Variants in PPWD1 observed in about 807,000 individuals in gnomAD.
PPWD1 encodes the protein peptidylprolyl isomerase domain and WD repeat containing 1.
In PPWD1, 43 loss-of-function variants were observed where a neutral mutation model predicts 68.8. The observed-to-expected ratio is 0.62, with a 90% CI of 0.49 to 0.81. The LOEUF (loss-of-function observed/expected upper bound fraction) is 0.81. PPWD1 is among the 30% of genes least tolerant of loss of function. The pLI is 0.00. For synonymous variants in PPWD1, 232 were observed against 258.7 expected (o/e 0.90, Z 0.99); for missense variants, 672 against 804.8 (o/e 0.83, Z 2.00).
rs1460797438 is a variant in PPWD1, at chr5:65,583,165, G to C, written c.1478G>C (p.Ser493Thr). 1 of 1,612,632 alleles carries C rather than the reference G, an allele frequency of 6.2e-7. No homozygotes were observed. Among genetic ancestry groups the C allele is most frequent in the African/African-American group, 1.3e-5 (1 of 74,864 alleles). ...GAAGGACCTAAACGAGTTTCGGACA[G>C]TGCCATTATCCACACCAGCATGGGA... The part of the protein sequence containing the change: ...QAEGPKRVSD[S>T]AIIHTSMGDI... Residue 493 changes from serine (S) to threonine (T), a missense_variant, in exon 8 of 11, where the codon AGT becomes ACT. Around this residue, in one of 2 missense-constraint regions of PPWD1, gnomAD observed 484 missense variants for 646.2 expected, o/e 0.75. Transcript: ENST00000261308.
At position 65,585,944 on chromosome 5, in the gene PPWD1, A is replaced by G. The variant is rs547057562; in HGVS notation, c.1615-55A>G. 21 of 1,569,698 alleles carry G rather than the reference A, an allele frequency of 1.3e-5. No homozygotes were observed. In the South Asian group the frequency reaches 1.9e-4, roughly 14 times the overall value. ...CACTCTTGGCAGAAATAAAACTTCAAAGCGTACATATATCGAAAAGGACAA... is the reference window on the plus strand; with the variant it reads ...CACTCTTGGCAGAAATAAAACTTCAGAGCGTACATATATCGAAAAGGACAA... On this transcript the variant is annotated intron_variant, in intron 9 of 10. Coordinates refer to ENST00000261308, the MANE Select transcript of PPWD1 (RefSeq NM_015342.4).
At chr5:65,585,866 G>A (rs889783373) in intron 9 of PPWD1, 133 bp from the exon 10 acceptor site, 29 of 1,365,708 alleles carry the variant, frequency 2.1e-5, no homozygotes, top group Non-Finnish European at 2.5e-5. Flanking sequence ...TAAGTGTTAA[G>A]GGTTTAATCA....
chr5:65,572,997 A>G (rs780509601), intron 5 of PPWD1, among the ~76,000 whole-genome samples: 3 of 152,124 alleles, frequency 2.0e-5, no homozygotes, highest in Non-Finnish European at 4.4e-5. Context: ...AGAACTTTTC[A>G]GTTAATTCCT....
In PPWD1 at chr5:65,583,160, G is replaced by C. The variant is rs1034827555; in HGVS notation, c.1473G>C (p.Ser491=). The stretch of plus-strand genomic sequence containing the variant: ...AAGCTGAAGGACCTAAACGAGTTTC[G>C]GACAGTGCCATTATCCACACCAGCA... The part of the protein sequence containing the change: ...ATQAEGPKRV[S]DSAIIHTSMG... Residue 491 remains serine (S), a synonymous_variant, in exon 8 of 11, where the codon TCG becomes TCC. Transcript: ENST00000261308. 6.2e-7 allele frequency: 1 copy of C among 1,613,062 alleles called. No individual in the cohort carries two copies. The highest frequency in any genetic ancestry group is 8.5e-7 in the Non-Finnish European group (1 of 1,179,618).
chr5:65,571,240 AC>A (rs1015759411), intron 4 of PPWD1, among the ~76,000 whole-genome samples: 1 of 152,198 alleles, frequency 6.6e-6, no homozygotes, highest in African/African-American at 2.4e-5. Context: ...TTTGAAGGAA[AC>A]AACATTCATT....
In PPWD1 at chr5:65,587,363, G is replaced by T. The variant is rs572158003; in HGVS notation, c.1908G>T (p.Glu636Asp). Residue 636 changes from glutamate (E) to aspartate (D), a missense_variant, in exon 11 of 11, where the codon GAG (glutamate) becomes GAT (aspartate). Coordinates refer to ENST00000261308, the MANE Select transcript of PPWD1 (RefSeq NM_015342.4). The stretch of plus-strand genomic sequence containing the variant: ...ATCCCAAAACAGATAAGCCCTATGA[G>T]GATGTCAGCATCATAAATATTACTG... ...KVNPKTDKPYEDVSIINITVK is the reference protein window; with the variant it reads ...KVNPKTDKPYDDVSIINITVK The T allele has an allele frequency of 6.2e-7, 1 of 1,610,904 alleles. No homozygotes were observed. The highest frequency in any genetic ancestry group is 1.3e-5 in the African/African-American group (1 of 74,756).
intron 2 of PPWD1, 92 bp from the exon 3 acceptor site, chr5:65,569,540 A>G (rs1752925745): frequency 7.2e-7 from 1 of 1,383,514 alleles, no homozygotes; most frequent in East Asian, 2.5e-5. Context: ...TATTATGCAC[A>G]AGTCAGATTC....
At chr5:65,573,516 G>GTTTGTTTTTTTTTT (rs1753122949) in intron 5 of PPWD1, among the ~76,000 whole-genome samples, 8 of 15,438 alleles carry the variant, frequency 5.2e-4, no homozygotes, top group African/African-American at 1.8e-3. Context: ...AGTACAGATG[G>GTTTGTTTTTTTTTT]TTTTTTTTTT....
chr5:65,585,171 T>A (rs934104896), intron 9 of PPWD1, 76 bp downstream of exon 9: 2 of 1,388,634 alleles, frequency 1.4e-6, no homozygotes, highest in Non-Finnish European at 2.0e-6. Flanking sequence ...GCAAGGAATC[T>A]TCTTCTCTCA....
intron 8 of PPWD1, among the ~76,000 whole-genome samples, chr5:65,584,131 T>C (rs185853421): frequency 5.5e-4 from 84 of 152,326 alleles, no homozygotes; most frequent in African/African-American, 2.0e-3. Context: ...AAAGTTCTTA[T>C]TTATTAACAT....
At chr5:65,572,407 A>G in intron 5 of PPWD1, 121 bp downstream of exon 5, 1 of 1,054,668 alleles carries the variant, frequency 9.5e-7, no homozygotes, top group Non-Finnish European at 1.3e-6. Context: ...TTTTCTTAGC[A>G]CATTAGAGAT....
intron 4 of PPWD1, among the ~76,000 whole-genome samples, chr5:65,571,278 G>A (rs1358151975): frequency 2.0e-5 from 3 of 152,182 alleles, no homozygotes; most frequent in South Asian, 2.1e-4. Context: ...CAATTGATTA[G>A]ATCAGTCTGA....
chr5:65,571,693 C>A (rs1184748444), intron 4 of PPWD1, 146 bp from the exon 5 acceptor site: 29 of 1,332,046 alleles, frequency 2.2e-5, no homozygotes, highest in Non-Finnish European at 2.9e-5. Flanking sequence ...GCTGTTCCTC[C>A]CCATTCTGTG....
At chr5:65,570,202 A>C in intron 4 of PPWD1, 1 of 921,176 alleles carries the variant, frequency 1.1e-6, no homozygotes, top group African/African-American at 1.8e-5. Context: ...AATCACAGAA[A>C]TTTCTAAACA....
Position 65,572,279 on chromosome 5 carries a change from C to T in PPWD1, c.962C>T (p.Ser321Leu). Residue 321 changes from serine to leucine, a missense_variant, in exon 5 of 11, where the codon TCA becomes TTA. By Grantham distance (145) the Ser-to-Leu change is moderately radical. This residue lies in a region of PPWD1 where 484 missense variants were observed against 646.2 expected (regional missense o/e 0.75). Transcript: ENST00000261308. ...TGKLMRVFDESLSMFTELQQM... is the reference protein window; with the variant it reads ...TGKLMRVFDELLSMFTELQQM... ...AAACTCATGAGAGTCTTTGATGAAT[C>T]ACTAAGCGTAAGTGTAATTTAAATT... 1 of 1,606,306 alleles carries T rather than the reference C, an allele frequency of 6.2e-7. No individual in the cohort carries two copies.
chr5:65,577,830 T>G (rs1025654056), intron 6 of PPWD1, among the ~76,000 whole-genome samples: 1 of 152,200 alleles, frequency 6.6e-6, no homozygotes, highest in South Asian at 2.1e-4. Flanking sequence ...CTCCCCATTA[T>G]CAACGTCCCC....
intron 1 of PPWD1, among the ~76,000 whole-genome samples, chr5:65,566,375 T>G (rs261247): frequency 6.6e-6 from 1 of 151,934 alleles, no homozygotes; most frequent in African/African-American, 2.4e-5. Context: ...TTACAGCAGT[T>G]ATATCCCAGT....
intron 1 of PPWD1, among the ~76,000 whole-genome samples, chr5:65,564,462 G>A (rs961629565): frequency 3.9e-5 from 6 of 151,992 alleles, no homozygotes; most frequent in Non-Finnish European, 8.8e-5. Context: ...CCGAGTAGCT[G>A]GGGCTACAGG....
chr5:65,585,974 A>G (rs765190196), intron 9 of PPWD1, 25 bp from the exon 10 acceptor site: 1 of 1,608,174 alleles, frequency 6.2e-7, no homozygotes, highest in Non-Finnish European at 8.5e-7. Context: ...GGACAATGTA[A>G]TGTTTTTGTG....
Sources: gnomAD v4.1 joint callset for allele counts (sites outside exome capture counted in the v4.1 genomes callset) on GRCh38, gnomAD v4.1.1 for gene constraint, gnomAD v4.1.1 regional missense constraint, MANE v1.5 for transcripts, NCBI Gene and HGNC (gene_info 2026-07-23, HGNC 2026-07-21) for gene names.